The following FAM81A variants were observed in gnomAD, a reference collection of about 807,000 sequenced individuals.
FAM81A encodes the protein protein FAM81A.
A neutral mutation model predicts 46.7 loss-of-function variants in FAM81A; 19 were observed. The ratio of observed to expected loss-of-function variants is 0.41; its 90% CI spans 0.28 to 0.60. The LOEUF (loss-of-function observed/expected upper bound fraction) is 0.60, where lower values mean the gene tolerates loss of function less well. Ranked by LOEUF, FAM81A falls within the 20% of genes least tolerant of loss-of-function variation. The pLI is 0.34. For missense variants in FAM81A, 377 were observed against 453.5 expected (o/e 0.83, Z 1.53); for synonymous variants, 183 against 152.9 (o/e 1.20, Z -1.45).
At chr15:59,480,620 C>T (rs1818159979) in intron 3 of FAM81A, among the ~76,000 whole-genome samples, 1 of 152,058 alleles carries the variant, frequency 6.6e-6, no homozygotes, top group African/African-American at 2.4e-5. Context: ...CACTTTCCAC[C>T]CTTTAGTTTT....
chr15:59,402,609 T>C (rs1596457109), intron 2 of FAM81A, among the ~76,000 whole-genome samples: 1 of 152,028 alleles, frequency 6.6e-6, no homozygotes, highest in East Asian at 1.9e-4. Context: ...GGCTTGATTT[T>C]GGCTCACTGC....
intron 4 of FAM81A, among the ~76,000 whole-genome samples, chr15:59,505,993 A>G (rs1482670056): frequency 6.6e-6 from 1 of 152,102 alleles, no homozygotes; most frequent in Non-Finnish European, 1.5e-5. Context: ...TCTTCCTAAC[A>G]ATCTTTAGGG....
intron 1 of FAM81A, among the ~76,000 whole-genome samples, chr15:59,450,467 A>G (rs1479416522): frequency 1.3e-5 from 2 of 152,120 alleles, no homozygotes; most frequent in African/African-American, 4.8e-5. Flanking sequence ...CTTCAGCTTT[A>G]CTAGATATTC....
intron 3 of FAM81A, among the ~76,000 whole-genome samples, chr15:59,481,740 A>G (rs1183012083): frequency 6.6e-6 from 1 of 151,964 alleles, no homozygotes; most frequent in East Asian, 1.9e-4. Flanking sequence ...TCCAAGAACT[A>G]GAGTTACTGG....
At chr15:59,433,066 C>A (rs55983879) in intron 2 of FAM81A, among the ~76,000 whole-genome samples, 27,971 of 136,870 alleles carry the variant, frequency 0.2, 2,930 homozygotes, top group Middle Eastern at 0.28. Context: ...GGTGTGAACT[C>A]GGGAGGTGGA....
At chr15:59,419,565 G>C (rs1346369985) in intron 2 of FAM81A, among the ~76,000 whole-genome samples, 1 of 149,536 alleles carries the variant, frequency 6.7e-6, no homozygotes, top group African/African-American at 2.4e-5. Flanking sequence ...ATGGTTTCCT[G>C]TGTTTGAATT....
At chr15:59,445,131 G>A (rs1378597810) in intron 1 of FAM81A, 2 of 152,196 alleles carry the variant, frequency 1.3e-5, no homozygotes, top group Admixed American at 6.5e-5. Context: ...GAGCTGCTGA[G>A]CTTACTGGGA....
intron 6 of FAM81A, 104 bp downstream of exon 6, chr15:59,509,073 AAAC>A: frequency 1.2e-6 from 1 of 855,890 alleles, no homozygotes; most frequent in East Asian, 2.9e-5. Context: ...CACAAATTGA[AAAC>A]AATAATGGAA....
chr15:59,429,645 C>G (rs1381043467), intron 2 of FAM81A, among the ~76,000 whole-genome samples: 1 of 152,158 alleles, frequency 6.6e-6, no homozygotes, highest in Non-Finnish European at 1.5e-5. Context: ...GGGCTTTAAA[C>G]TTACAATGAA....
intron 2 of FAM81A, among the ~76,000 whole-genome samples, chr15:59,423,044 T>G (rs1047424616): frequency 6.6e-5 from 10 of 152,352 alleles, no homozygotes; most frequent in African/African-American, 2.4e-4. Flanking sequence ...ATATATTTTC[T>G]TTTCCAATCC....
At chr15:59,463,079 A>G (rs1343278088) in intron 3 of FAM81A, among the ~76,000 whole-genome samples, 3 of 152,142 alleles carry the variant, frequency 2.0e-5, no homozygotes, top group Non-Finnish European at 4.4e-5. Flanking sequence ...CATCTTTACA[A>G]CTATTTGCTT....
At chr15:59,458,025 C>T (rs1195882695) in intron 1 of FAM81A, among the ~76,000 whole-genome samples, 1 of 152,176 alleles carries the variant, frequency 6.6e-6, no homozygotes, top group Non-Finnish European at 1.5e-5. Context: ...TTCTCACTCC[C>T]TTGGTGGATA....
chr15:59,411,576 T>C (rs148676727), intron 2 of FAM81A, among the ~76,000 whole-genome samples: 14 of 152,256 alleles, frequency 9.2e-5, no homozygotes, highest in Middle Eastern at 6.8e-3. Context: ...TTCCATCTTC[T>C]CACCCTCATA....
rs1199490179 is a variant in FAM81A at position 59,516,638 on chromosome 15, A to G, written c.787-7A>G. ...TGATTAAGTGCAGTTCTTATCATGG[A>G]TCTCAGGGAGCCAGTGAAAGGGATA... On this transcript the variant is annotated splice_region_variant and splice_polypyrimidine_tract_variant and intron_variant, in intron 7 of 8. Coordinates refer to ENST00000288228, the MANE Select transcript of FAM81A (RefSeq NM_152450.3). 3.7e-6 allele frequency: 6 copies of G among 1,607,574 alleles called. No homozygotes were observed. Among genetic ancestry groups the G allele is most frequent in the Non-Finnish European group, 5.1e-6 (6 of 1,178,440 alleles).
chr15:59,474,520 C>A (rs2081741256), intron 3 of FAM81A, among the ~76,000 whole-genome samples: 1 of 152,170 alleles, frequency 6.6e-6, no homozygotes, highest in Non-Finnish European at 1.5e-5. Flanking sequence ...GGGCCCCAGT[C>A]CATTCAGGGT....
At chr15:59,477,293 G>A (rs527497129) in intron 3 of FAM81A, among the ~76,000 whole-genome samples, 69 of 152,200 alleles carry the variant, frequency 4.5e-4, no homozygotes, top group African/African-American at 1.2e-3. Context: ...TAAATTGCCT[G>A]AGTTTTTATT....
At chr15:59,445,106 A>T (rs1267259485) in intron 1 of FAM81A, 1 of 152,196 alleles carries the variant, frequency 6.6e-6, no homozygotes, top group Non-Finnish European at 1.5e-5. Flanking sequence ...GTGAAAACTC[A>T]GATTTCCGGG....
intron 3 of FAM81A, among the ~76,000 whole-genome samples, chr15:59,487,001 G>A (rs895984992): frequency 6.6e-6 from 1 of 151,740 alleles, no homozygotes; most frequent in Non-Finnish European, 1.5e-5. Context: ...TTATAATACT[G>A]TAATTGTGGT....
At chr15:59,467,465 T>A (rs1015642078) in intron 3 of FAM81A, among the ~76,000 whole-genome samples, 1 of 152,176 alleles carries the variant, frequency 6.6e-6, no homozygotes, top group Non-Finnish European at 1.5e-5. Context: ...ATTCTCTTTG[T>A]AGCAATTGTG....
Sources: allele counts gnomAD v4.1 joint callset (sites outside exome capture counted in the v4.1 genomes callset), GRCh38; gene constraint gnomAD v4.1.1; transcripts MANE v1.5; gene names NCBI Gene and HGNC (gene_info 2026-07-23, HGNC 2026-07-21).